The following RFWD3 variants were observed in gnomAD, a reference collection of about 807,000 sequenced individuals.
The protein encoded by RFWD3 is E3 ubiquitin-protein ligase RFWD3.
A neutral mutation model predicts 87.7 loss-of-function variants in RFWD3; 65 were observed. The observed-to-expected ratio is 0.74, with a 90% CI of 0.61 to 0.91. RFWD3 has a LOEUF of 0.91. RFWD3 is among the 40% of genes least tolerant of loss of function. RFWD3 has a pLI of 0.00. For synonymous variants in RFWD3, 433 were observed against 352.8 expected, an observed-to-expected ratio of 1.23 and a Z score of -2.55; for missense variants, 1,078 against 938.5, an observed-to-expected ratio of 1.15 and a Z score of -1.94.
intron 4 of RFWD3, among the ~76,000 whole-genome samples, chr16:74,646,918 AC>A (rs1960192482): frequency 6.6e-6 from 1 of 151,180 alleles, no homozygotes; most frequent in Admixed American, 6.6e-5. Flanking sequence ...AACAACAACA[AC>A]AACAACAACA....
Position 74,644,531 on chromosome 16 carries a change from T to TG in RFWD3, c.987+9dup. ...TAACATGTTAATGTGTCCTTACCTA[T>TG]GGTCCTTACCTGGGGACATTTTCGT... On this transcript the variant is annotated intron_variant, in intron 5 of 12. Coordinates refer to ENST00000361070, the MANE Select transcript of RFWD3 (RefSeq NM_018124.4). The TG allele has an allele frequency of 6.2e-7, 1 of 1,614,172 alleles. No homozygotes were observed. The highest frequency in any genetic ancestry group is 1.1e-5 in the South Asian group (1 of 91,084).
At chr16:74,628,060 G>A (rs887875183) in intron 11 of RFWD3, among the ~76,000 whole-genome samples, 1 of 152,172 alleles carries the variant, frequency 6.6e-6, no homozygotes, top group Non-Finnish European at 1.5e-5. Flanking sequence ...TGCCAGCCGG[G>A]CTACTACATG....
chr16:74,627,611 A>C (rs1958975062), intron 11 of RFWD3, among the ~76,000 whole-genome samples: 2 of 152,186 alleles, frequency 1.3e-5, no homozygotes, highest in South Asian at 4.1e-4. Context: ...GGGCTCTTCT[A>C]GAGAGTCACT....
chr16:74,627,863 A>G (rs1456644321), intron 11 of RFWD3, among the ~76,000 whole-genome samples: 1 of 152,178 alleles, frequency 6.6e-6, no homozygotes, highest in Non-Finnish European at 1.5e-5. Flanking sequence ...TCAAGACCAA[A>G]TTAGAAAGAA....
chr16:74,653,530 T>C (rs2144282138), intron 2 of RFWD3, among the ~76,000 whole-genome samples: 1 of 151,580 alleles, frequency 6.6e-6, no homozygotes, highest in African/African-American at 2.4e-5. Flanking sequence ...ATTTAAAAAA[T>C]GGCTGAGTTT....
intron 12 of RFWD3, among the ~76,000 whole-genome samples, chr16:74,624,802 C>T (rs1958873445): frequency 6.6e-6 from 1 of 152,140 alleles, no homozygotes; most frequent in Admixed American, 6.5e-5. Flanking sequence ...TTGAGACCAG[C>T]TGGGGCAATA....
At chr16:74,651,872 C>G in intron 3 of RFWD3, 48 bp downstream of exon 3, 1 of 1,542,974 alleles carries the variant, frequency 6.5e-7, no homozygotes, top group Non-Finnish European at 8.9e-7. Flanking sequence ...GAAATTTAAG[C>G]TTCATGGATG....
intron 8 of RFWD3, among the ~76,000 whole-genome samples, chr16:74,635,572 T>G (rs1959189186): frequency 6.6e-6 from 1 of 152,062 alleles, no homozygotes; most frequent in African/African-American, 2.4e-5. Context: ...CGGACTGGAA[T>G]GGACACGTTA....
chr16:74,657,739 G>A (rs1208045139), intron 2 of RFWD3, among the ~76,000 whole-genome samples: 1 of 152,116 alleles, frequency 6.6e-6, no homozygotes, highest in Admixed American at 6.5e-5. Flanking sequence ...CTCCCAAAAT[G>A]CTGCGATTAC....
At chr16:74,645,288 A>T (rs1357124813) in intron 4 of RFWD3, among the ~76,000 whole-genome samples, 1 of 152,238 alleles carries the variant, frequency 6.6e-6, no homozygotes, top group East Asian at 1.9e-4. Context: ...GGCATTATCC[A>T]TGAAAATTAA....
intron 1 of RFWD3, among the ~76,000 whole-genome samples, chr16:74,664,127 T>C (rs1307338599): frequency 6.6e-6 from 1 of 152,196 alleles, no homozygotes. Flanking sequence ...GTTTTAAACA[T>C]TTTTTGTATA....
At chr16:74,648,810 G>T (rs1200944134) in intron 4 of RFWD3, among the ~76,000 whole-genome samples, 2 of 151,986 alleles carry the variant, frequency 1.3e-5, no homozygotes, top group Admixed American at 1.3e-4. Flanking sequence ...TTCAGGTTGG[G>T]CATGGTGGCT....
chr16:74,633,973 A>T (rs1959172335), intron 8 of RFWD3, among the ~76,000 whole-genome samples: 1 of 151,610 alleles, frequency 6.6e-6, no homozygotes, highest in African/African-American at 2.4e-5. Flanking sequence ...AGACAGAACT[A>T]GATCTTCTGT....
intron 4 of RFWD3, 97 bp downstream of exon 4, chr16:74,649,035 C>T: frequency 1.5e-6 from 1 of 685,766 alleles, no homozygotes; most frequent in African/African-American, 1.9e-5. Context: ...TGAGTTATGA[C>T]TGCACCACTG....
At chr16:74,635,704 C>T (rs1190248253) in intron 8 of RFWD3, among the ~76,000 whole-genome samples, 2 of 152,120 alleles carry the variant, frequency 1.3e-5, no homozygotes, top group African/African-American at 4.8e-5. Flanking sequence ...GATAAAGGAA[C>T]ATTATATAAC....
chr16:74,658,421 T>C (rs1418330654), intron 2 of RFWD3, among the ~76,000 whole-genome samples: 1 of 152,228 alleles, frequency 6.6e-6, no homozygotes, highest in East Asian at 1.9e-4. Context: ...CTTTGGCTTC[T>C]TGGCTGACTG....
rs200549419 is a variant in RFWD3 at position 74,651,962 on chromosome 16, C to G, written c.679G>C (p.Val227Leu). ...CCAGATTCCTCTGCCTGGTCAACAA[C>G]CCCTCCATACTCTGCAGAGCTGTCA... is the stretch of plus-strand genomic sequence containing the variant. Reference protein sequence around the residue: ...DSDSSAEYGGVVDQAEESGAV... With the variant: ...DSDSSAEYGGLVDQAEESGAV... Residue 227 changes from valine (V) to leucine (L), a missense_variant, in exon 3 of 13, where the codon GTT becomes CTT. By Grantham distance (32) the Val-to-Leu change is conservative. Transcript: ENST00000361070. The G allele has an allele frequency of 1.2e-6, 2 of 1,614,012 alleles. No homozygotes were observed. The highest frequency in any genetic ancestry group is 2.7e-5 in the African/African-American group (2 of 75,052).
At position 74,654,939 on chromosome 16, in the gene RFWD3, T is replaced by C. The variant is rs182906943; in HGVS notation, c.519-2817A>G. On this transcript the variant is annotated intron_variant, in intron 2 of 12. Transcript: ENST00000361070. ...TGAGAAGTGAGGAAGCTGCAGGAAG[T>C]TGGAAGAAAGCAGAGGCTGGTTCAT... Among the ~76,000 whole-genome samples the C allele has an allele frequency of 7.6e-3, 1,151 of 152,198 alleles. 15 individuals are homozygous for C. The highest frequency in any genetic ancestry group is 0.026 in the African/African-American group (1,091 of 41,508).
At chr16:74,630,738 G>A (rs376133334) in intron 10 of RFWD3, 43 bp downstream of exon 10, 27 of 1,523,918 alleles carry the variant, frequency 1.8e-5, no homozygotes, top group Non-Finnish European at 2.2e-5. Context: ...AATAAGCCAA[G>A]AGAAAGCTGC....
Sources: gnomAD v4.1 joint callset for allele counts (sites outside exome capture counted in the v4.1 genomes callset) on GRCh38, gnomAD v4.1.1 for gene constraint, MANE v1.5 for transcripts, NCBI Gene and HGNC (gene_info 2026-07-23, HGNC 2026-07-21) for gene names.